CNTNAP2: variants seen among roughly 807,000 people sequenced by gnomAD.
CNTNAP2 encodes contactin-associated protein-like 2.
In CNTNAP2, 98 loss-of-function variants were observed where a neutral mutation model predicts 155.2. The observed-to-expected ratio is 0.63, with a 90% CI of 0.54 to 0.75. The LOEUF is 0.75. CNTNAP2 is among the 30% of genes least tolerant of loss of function. The pLI, the probability that CNTNAP2 is intolerant of heterozygous loss-of-function variation, is 0.00. For synonymous variants in CNTNAP2, 651 were observed against 631.2 expected, an observed-to-expected ratio of 1.03 and a Z score of -0.47; for missense variants, 1,727 against 1,688.1, an observed-to-expected ratio of 1.02 and a Z score of -0.40.
intron 18 of CNTNAP2, among the ~76,000 whole-genome samples, chr7:148,199,991 G>A (rs767596241): frequency 3.3e-5 from 5 of 152,188 alleles, no homozygotes; most frequent in East Asian, 1.9e-4. Context: ...AGAAGAAGAC[G>A]GATGTCCCAG....
chr7:146,301,304 ATTAT>A (rs1800605714), intron 1 of CNTNAP2, among the ~76,000 whole-genome samples: 1 of 152,108 alleles, frequency 6.6e-6, no homozygotes. Context: ...TTTACAGAAA[ATTAT>A]TTATCTTCTT....
At chr7:146,358,518 C>T (rs1795037037) in intron 1 of CNTNAP2, among the ~76,000 whole-genome samples, 1 of 152,144 alleles carries the variant, frequency 6.6e-6, no homozygotes, top group Admixed American at 6.5e-5. Flanking sequence ...TTTTCTTTCA[C>T]TCAACGCAGA....
At chr7:146,185,286 A>G (rs115280786) in intron 1 of CNTNAP2, among the ~76,000 whole-genome samples, 3,023 of 152,266 alleles carry the variant, frequency 0.02, 92 homozygotes, top group African/African-American at 0.067. Flanking sequence ...AGTATGTTTA[A>G]TTAGAGCAAG....
chr7:147,056,187 A>G (rs1295674007), intron 4 of CNTNAP2, among the ~76,000 whole-genome samples: 2 of 151,960 alleles, frequency 1.3e-5, no homozygotes, highest in Non-Finnish European at 2.9e-5. Flanking sequence ...GAAAAGAAAA[A>G]CTTCCCTGTT....
At chr7:147,527,011 A>ATTTTTTTTTTTTTTT (rs1562981271) in intron 11 of CNTNAP2, among the ~76,000 whole-genome samples, 1 of 81,634 alleles carries the variant, frequency 1.2e-5, no homozygotes, top group African/African-American at 7.6e-5. Context: ...GAAGACAGGC[A>ATTTTTTTTTTTTTTT]TTTCTTTTTT....
At position 147,128,716 on chromosome 7, in the gene CNTNAP2, C is replaced by A. The variant is rs765211652; in HGVS notation, c.963C>A (p.Phe321Leu). Reference sequence around the variant, plus strand: ...AGATAACCTTTGGAGGCATCCCTTTCTCTGGCAAGCCCAGCTCCAGCAGTA... The same window carrying A: ...AGATAACCTTTGGAGGCATCCCTTTATCTGGCAAGCCCAGCTCCAGCAGTA... ...DYEITFGGIP[F>L]SGKPSSSSRK... is the part of the protein sequence containing the mutation. The change falls in exon 7 of 24, where the codon TTC becomes TTA. Residue 321 changes from phenylalanine (F) to leucine (L), a missense_variant. Physicochemically the swap from Phe to Leu is conservative, Grantham distance 22. Coordinates refer to ENST00000361727, the MANE Select transcript of CNTNAP2 (RefSeq NM_014141.6). The A allele has an allele frequency of 2.5e-5, 40 of 1,613,832 alleles. No individual in the cohort carries two copies. In the Admixed American group the frequency reaches 4.7e-4, roughly 19 times the overall value.
At chr7:148,361,985 AG>A (rs2116619097) in intron 21 of CNTNAP2, among the ~76,000 whole-genome samples, 1 of 152,236 alleles carries the variant, frequency 6.6e-6, no homozygotes, top group South Asian at 2.1e-4. Context: ...CAAGGCGAGC[AG>A]ATCATGAAGT....
rs181888588 is a variant in CNTNAP2 at position 147,744,035 on chromosome 7, T to G, written c.2098+104729T>G. 8.8e-4 allele frequency among the ~76,000 whole-genome samples: 134 copies of G among 152,352 alleles called. 1 individual carries two copies. The highest frequency in any genetic ancestry group is 3.0e-3 in the African/African-American group (126 of 41,592). On this transcript the variant is annotated intron_variant, in intron 13 of 23. Transcript: ENST00000361727. The stretch of plus-strand genomic sequence containing the variant: ...CTAATTAATGCCTAACTCAAAAGAT[T>G]ATTTTGAATATTAAATGAGATAATG...
chr7:147,978,618 C>T (rs1301056642), intron 15 of CNTNAP2, among the ~76,000 whole-genome samples: 2 of 152,016 alleles, frequency 1.3e-5, no homozygotes, highest in Non-Finnish European at 2.9e-5. Context: ...TTAAGGGCAC[C>T]ATTAGGATTT....
At chr7:146,908,889 A>G in intron 3 of CNTNAP2, among the ~76,000 whole-genome samples, 1 of 148,406 alleles carries the variant, frequency 6.7e-6, no homozygotes, top group Non-Finnish European at 1.5e-5. Context: ...GGATCAACAA[A>G]ATTGATAGAC....
In CNTNAP2 at chr7:146,139,904, T is replaced by C. The variant is rs371650204; in HGVS notation, c.97+22931T>C. Among the ~76,000 whole-genome samples the C allele has an allele frequency of 7.9e-5, 12 of 152,252 alleles. No homozygotes were observed. The South Asian group carries it at 2.5e-3, about 32-fold the overall frequency. Reference sequence around the variant, plus strand: ...CAATTTGGGGGGTATTTAACAAATGTCAGTCATCTTTGCATTATCTTTGTA... The same window carrying C: ...CAATTTGGGGGGTATTTAACAAATGCCAGTCATCTTTGCATTATCTTTGTA... On this transcript the variant is annotated intron_variant, in intron 1 of 23. Transcript: ENST00000361727.
At chr7:146,895,875 G>T (rs1401281417) in intron 3 of CNTNAP2, among the ~76,000 whole-genome samples, 2 of 152,012 alleles carry the variant, frequency 1.3e-5, no homozygotes, top group Non-Finnish European at 2.9e-5. Flanking sequence ...TCACATGAGT[G>T]GTTGCAACTA....
intron 4 of CNTNAP2, among the ~76,000 whole-genome samples, chr7:147,076,951 C>T (rs548393338): frequency 6.6e-6 from 1 of 152,274 alleles, no homozygotes; most frequent in South Asian, 2.1e-4. Context: ...AACCCCTCAG[C>T]TGGCAAATAA....
chr7:146,885,666 G>A (rs1795641666), intron 3 of CNTNAP2, among the ~76,000 whole-genome samples: 1 of 151,932 alleles, frequency 6.6e-6, no homozygotes, highest in South Asian at 2.1e-4. Flanking sequence ...ACTTCTTTTT[G>A]CAAGGAAAGC....
At chr7:146,390,196 G>A (rs1040075655) in intron 1 of CNTNAP2, among the ~76,000 whole-genome samples, 44 of 151,738 alleles carry the variant, frequency 2.9e-4, no homozygotes, top group African/African-American at 8.7e-4. Flanking sequence ...TTTGCTCTTC[G>A]TAAATATGTA....
At position 147,174,089 on chromosome 7, in the gene CNTNAP2, A is replaced by G. The variant is rs1322525530; in HGVS notation, c.1348+41580A>G. On this transcript the variant is annotated intron_variant, in intron 8 of 23. Transcript: ENST00000361727. ...TCAAAAATGTCCCATCAGCACAAAAAAACCAGCAAACCACAGTCCATCCTG... is the reference window on the plus strand; with the variant it reads ...TCAAAAATGTCCCATCAGCACAAAAGAACCAGCAAACCACAGTCCATCCTG... 2.0e-5 allele frequency among the ~76,000 whole-genome samples: 3 copies of G among 152,136 alleles called. No individual in the cohort carries two copies. The East Asian group carries it at 5.8e-4, about 29-fold the overall frequency.
intron 3 of CNTNAP2, among the ~76,000 whole-genome samples, chr7:146,990,922 A>G (rs770015877): frequency 1.1e-4 from 17 of 152,092 alleles, no homozygotes; most frequent in Non-Finnish European, 2.2e-4. Context: ...GTCGTGCCAT[A>G]GTCAGAGGAT....
chr7:146,980,964 T>G (rs1376522672), intron 3 of CNTNAP2, among the ~76,000 whole-genome samples: 4 of 152,090 alleles, frequency 2.6e-5, no homozygotes, highest in Non-Finnish European at 5.9e-5. Context: ...TTCTACCCCT[T>G]AGCCTAGAAA....
intron 13 of CNTNAP2, among the ~76,000 whole-genome samples, chr7:147,666,363 C>A (rs1045648404): frequency 6.6e-6 from 1 of 152,172 alleles, no homozygotes; most frequent in African/African-American, 2.4e-5. Context: ...GATGTCCCAG[C>A]TGTCGTAGCT....
Sources: gnomAD v4.1 joint callset for allele counts (sites outside exome capture counted in the v4.1 genomes callset) on GRCh38, gnomAD v4.1.1 for gene constraint, MANE v1.5 for transcripts, NCBI Gene and HGNC (gene_info 2026-07-23, HGNC 2026-07-21) for gene names.